MET: variants seen among roughly 807,000 people sequenced by gnomAD.
MET encodes MET proto-oncogene, receptor tyrosine kinase.
Under a neutral mutation model 133.1 loss-of-function variants are expected in MET, and 48 were observed. The observed-to-expected ratio is 0.36, with a 90% CI of 0.29 to 0.46. The LOEUF (loss-of-function observed/expected upper bound fraction) is 0.46. MET is among the 20% of genes least tolerant of loss of function. The pLI, the probability that MET is intolerant of heterozygous loss-of-function variation, is 1.00. For synonymous variants in MET, 628 were observed against 616.5 expected (o/e 1.02, Z -0.28); for missense variants, 1,442 against 1,695.9 (o/e 0.85, Z 2.63).
At chr7:116,758,193 G>A (rs928241775) in intron 8 of MET, among the ~76,000 whole-genome samples, 1 of 152,102 alleles carries the variant, frequency 6.6e-6, no homozygotes, top group African/African-American at 2.4e-5. Context: ...CTTAGAGTTG[G>A]AAGAGCTCAG....
At chr7:116,707,196 T>C (rs1791829655) in intron 2 of MET, among the ~76,000 whole-genome samples, 1 of 152,098 alleles carries the variant, frequency 6.6e-6, no homozygotes, top group African/African-American at 2.4e-5. Context: ...GTCTAGCAAT[T>C]GCATGCTAAT....
chr7:116,795,022 C>A (rs1244721967), intron 19 of MET, among the ~76,000 whole-genome samples: 1 of 152,148 alleles, frequency 6.6e-6, no homozygotes, highest in Non-Finnish European at 1.5e-5. Context: ...TGTGATCTTC[C>A]TATATAGTAC....
chr7:116,729,169 A>T lies in MET; in HGVS notation c.1201-2499A>T, dbSNP rs536646650. 2.6e-5 allele frequency among the ~76,000 whole-genome samples: 4 copies of T among 152,334 alleles called. No homozygotes were observed. The East Asian group carries it at 7.7e-4, about 29-fold the overall frequency. On this transcript the variant is annotated intron_variant, in intron 2 of 20. Coordinates refer to ENST00000397752, the MANE Select transcript of MET (RefSeq NM_000245.4). ...ACATCTCAGTTATCTGCTACTCCTC[A>T]GAGTAATCCATAGTACTTTAGTGAA...
intron 11 of MET, among the ~76,000 whole-genome samples, chr7:116,763,747 T>C (rs1173571927): frequency 6.6e-6 from 1 of 152,222 alleles, no homozygotes; most frequent in African/African-American, 2.4e-5. Flanking sequence ...TAGGAACATA[T>C]TAGCTTCTAA....
intron 5 of MET, among the ~76,000 whole-genome samples, chr7:116,755,040 G>GAAAGAAAGAAAGAAAGAAAGA (rs918744668): frequency 2.5e-5 from 1 of 39,370 alleles, no homozygotes; most frequent in East Asian, 8.6e-4. Flanking sequence ...AAGAAAGAAA[G>GAAAGAAAGAAAGAAAGAAAGA]AAAAGAAAGA....
chr7:116,710,137 C>A (rs117066610), intron 2 of MET, among the ~76,000 whole-genome samples: 2 of 152,228 alleles, frequency 1.3e-5, no homozygotes, highest in East Asian at 3.9e-4. Context: ...ATTTCTTACT[C>A]TCAACTAAAC....
chr7:116,748,018 G>A (rs897341364), intron 5 of MET, among the ~76,000 whole-genome samples: 2 of 152,202 alleles, frequency 1.3e-5, no homozygotes, highest in African/African-American at 4.8e-5. Context: ...GGCTGAGGCG[G>A]GCGGATCACA....
chr7:116,735,637 G>T (rs968177856), intron 3 of MET, among the ~76,000 whole-genome samples: 6 of 152,146 alleles, frequency 3.9e-5, no homozygotes, highest in Non-Finnish European at 7.4e-5. Flanking sequence ...GCTGAAGGAA[G>T]CTTCAACTTG....
Position 116,732,333 on chromosome 7 carries a change from C to T in MET, c.1392+474C>T, listed in dbSNP as rs183273989. ...TCAAAATCCCATTGTAACTCAAGCT[C>T]TCCTGATTCTGTAAAATGGTAGGGT... is the stretch of plus-strand genomic sequence containing the variant. On this transcript the variant is annotated intron_variant, in intron 3 of 20. Transcript: ENST00000397752. Among the ~76,000 whole-genome samples the T allele has an allele frequency of 2.0e-5, 3 of 152,254 alleles. 1 individual carries two copies. Among genetic ancestry groups the T allele is most frequent in the Admixed American group, 2.0e-4 (3 of 15,284 alleles).
At position 116,752,395 on chromosome 7, in the gene MET, A is replaced by G. The variant is rs547209874; in HGVS notation, c.1702-2960A>G. ...AGACAAGGGCTACTTTTGTGGCTGTATCTCCCCTATCCAGACAGGTAGGAG... is the reference window on the plus strand; with the variant it reads ...AGACAAGGGCTACTTTTGTGGCTGTGTCTCCCCTATCCAGACAGGTAGGAG... On this transcript the variant is annotated intron_variant, in intron 5 of 20. Transcript: ENST00000397752. 6.6e-5 allele frequency among the ~76,000 whole-genome samples: 10 copies of G among 152,290 alleles called. No individual in the cohort carries two copies. The Middle Eastern group carries it at 0.02, about 311-fold the overall frequency.
At chr7:116,788,277 A>G (rs998575479) in intron 19 of MET, among the ~76,000 whole-genome samples, 1 of 152,192 alleles carries the variant, frequency 6.6e-6, no homozygotes, top group East Asian at 1.9e-4. Flanking sequence ...GTCTATATAA[A>G]TTTACTAAAC....
intron 19 of MET, among the ~76,000 whole-genome samples, chr7:116,789,806 C>T (rs563189410): frequency 5.7e-4 from 87 of 152,152 alleles, no homozygotes; most frequent in African/African-American, 2.0e-3. Context: ...ACCATCTGAA[C>T]GATTTTTATT....
intron 2 of MET, among the ~76,000 whole-genome samples, chr7:116,726,296 A>G (rs2116745323): frequency 6.7e-6 from 1 of 149,710 alleles, no homozygotes; most frequent in South Asian, 2.1e-4. Context: ...AAAAGTGGGT[A>G]AACAACAATT....
At chr7:116,743,565 G>T (rs1242221055) in intron 5 of MET, among the ~76,000 whole-genome samples, 1 of 152,192 alleles carries the variant, frequency 6.6e-6, no homozygotes, top group Non-Finnish European at 1.5e-5. Flanking sequence ...CCATTACTGA[G>T]GCTTGAATAG....
intron 1 of MET, among the ~76,000 whole-genome samples, chr7:116,673,668 A>G (rs1355684997): frequency 6.6e-6 from 1 of 152,224 alleles, no homozygotes; most frequent in Non-Finnish European, 1.5e-5. Context: ...ATTATAGCTG[A>G]CTAATGAATT....
intron 1 of MET, among the ~76,000 whole-genome samples, chr7:116,683,004 C>T (rs1193158158): frequency 6.6e-6 from 1 of 152,210 alleles, no homozygotes; most frequent in Non-Finnish European, 1.5e-5. Context: ...CACCTGTGAG[C>T]ACCTCCTCCC....
chr7:116,764,407 A>C (rs531290221), intron 11 of MET, among the ~76,000 whole-genome samples: 1 of 152,162 alleles, frequency 6.6e-6, no homozygotes, highest in Admixed American at 6.6e-5. Context: ...TAATAAAACT[A>C]ATCTAGTGTG....
At chr7:116,750,297 T>A (rs1793866495) in intron 5 of MET, among the ~76,000 whole-genome samples, 1 of 152,176 alleles carries the variant, frequency 6.6e-6, no homozygotes, top group South Asian at 2.1e-4. Flanking sequence ...AACCATCTGA[T>A]CTTTTACAAA....
chr7:116,704,748 G>C lies in MET; in HGVS notation c.1200+4464G>C, dbSNP rs568652122. Among the ~76,000 whole-genome samples the C allele has an allele frequency of 2.6e-5, 4 of 152,180 alleles. No homozygotes were observed. The South Asian group carries it at 8.3e-4, about 32-fold the overall frequency. On this transcript the variant is annotated intron_variant, in intron 2 of 20. Coordinates refer to ENST00000397752, the MANE Select transcript of MET (RefSeq NM_000245.4). ...AACTGTACTATAGTCAAGTTAGAAG[G>C]TATAAATTGTTCTCCTTCCTCTCAC...
Sources: allele counts gnomAD v4.1 joint callset (sites outside exome capture counted in the v4.1 genomes callset), GRCh38; gene constraint gnomAD v4.1.1; transcripts MANE v1.5; gene names NCBI Gene and HGNC (gene_info 2026-07-23, HGNC 2026-07-21).